CA13: variants seen among roughly 807,000 people sequenced by gnomAD.
CA13 encodes CA-XIII.
In CA13, 21 loss-of-function variants were observed where a neutral mutation model predicts 31.5. The ratio of observed to expected loss-of-function variants is 0.67; its 90% CI spans 0.47 to 0.96. The LOEUF is 0.96. CA13 is among the 40% of genes least tolerant of loss of function. CA13 has a pLI of 0.00. For synonymous variants in CA13, 117 were observed against 111.4 expected (o/e 1.05, Z -0.32); for missense variants, 315 against 318.9 (o/e 0.99, Z 0.09).
intron 3 of CA13, among the ~76,000 whole-genome samples, chr8:85,259,962 T>C (rs149820070): frequency 5.3e-5 from 8 of 151,726 alleles, no homozygotes; most frequent in Non-Finnish European, 1.2e-4. Flanking sequence ...GATACAAATA[T>C]CCACTAATAT....
chr8:85,268,662 T>C, intron 6 of CA13, 35 bp downstream of exon 6: 1 of 1,475,816 alleles, frequency 6.8e-7, no homozygotes, highest in Non-Finnish European at 9.2e-7. Flanking sequence ...ACTGATTCCC[T>C]CAGAGGAAAC....
At chr8:85,255,268 T>C (rs1045073903) in intron 2 of CA13, among the ~76,000 whole-genome samples, 4 of 151,720 alleles carry the variant, frequency 2.6e-5, no homozygotes, top group African/African-American at 9.7e-5. Flanking sequence ...CATGAATTTT[T>C]TTTTTTTTTT....
At chr8:85,270,141 T>A (rs1807510230) in intron 6 of CA13, among the ~76,000 whole-genome samples, 1 of 152,238 alleles carries the variant, frequency 6.6e-6, no homozygotes, top group Admixed American at 6.5e-5. Flanking sequence ...TGGTTTTGTT[T>A]TTGTTGTTCT....
At position 85,268,565 on chromosome 8, in the gene CA13, C is replaced by T. The variant is rs774932960; in HGVS notation, c.607C>T (p.Pro203Ser). Residue 203 changes from proline to serine, a missense_variant, in exon 6 of 7, where the codon CCT (proline) becomes TCT (serine). Physicochemically the swap from Pro to Ser is moderately conservative, Grantham distance 74 (BLOSUM62 -1). Transcript: ENST00000321764. ...ATATCCTGGTTCTCTTACAGTTCCACCTCTTCTTGAGAGTGTCACATGGAT... is the reference window on the plus strand; with the variant it reads ...ATATCCTGGTTCTCTTACAGTTCCATCTCTTCTTGAGAGTGTCACATGGAT... ...WTYPGSLTVPPLLESVTWIVL... is the reference protein window; with the variant it reads ...WTYPGSLTVPSLLESVTWIVL... The T allele has an allele frequency of 2.5e-6, 4 of 1,613,988 alleles. No homozygotes were observed. Among genetic ancestry groups the T allele is most frequent in the Non-Finnish European group, 3.4e-6 (4 of 1,179,886 alleles).
chr8:85,254,795 G>A (rs1029738885), intron 2 of CA13, among the ~76,000 whole-genome samples: 1 of 90,652 alleles, frequency 1.1e-5, no homozygotes, highest in Non-Finnish European at 2.4e-5. Flanking sequence ...TTTTGGTTTT[G>A]TTTTTTTTTT....
intron 6 of CA13, among the ~76,000 whole-genome samples, chr8:85,275,300 G>A (rs542513113): frequency 2.5e-4 from 38 of 152,214 alleles, no homozygotes; most frequent in African/African-American, 9.2e-4. Context: ...TTCCACTTGC[G>A]GGATATGCAC....
At position 85,245,792 on chromosome 8, in the gene CA13, C is replaced by G; in HGVS notation, c.-37C>G. ...CCGCTCCCTCCTCTTTCTCGCTGCT[C>G]AGTCACATCTTTCTCTTCCTTCCAC... On this transcript the variant is annotated 5_prime_UTR_variant, in exon 1 of 7. Transcript: ENST00000321764. 2 of 1,612,052 alleles carry G rather than the reference C, an allele frequency of 1.2e-6. No homozygotes were observed. The highest frequency in any genetic ancestry group is 1.7e-5 in the Admixed American group (1 of 60,024).
chr8:85,272,436 A>G (rs1484647441), intron 6 of CA13, among the ~76,000 whole-genome samples: 3 of 151,760 alleles, frequency 2.0e-5, no homozygotes, highest in African/African-American at 7.3e-5. Context: ...TTGTATTTTT[A>G]GTAGAGATGG....
chr8:85,250,168 G>A (rs1813801985), intron 1 of CA13, among the ~76,000 whole-genome samples: 1 of 152,196 alleles, frequency 6.6e-6, no homozygotes, highest in African/African-American at 2.4e-5. Context: ...ATTATCCTAG[G>A]TGAAAAATTT....
At position 85,267,970 on chromosome 8, in the gene CA13, A is replaced by G; in HGVS notation, c.513+6A>G. ...TGGATTCCATTAAAGAAAAGGTAAA[A>G]TGAATTACTGTTAATAATTAACATA... On this transcript the variant is annotated splice_donor_region_variant and intron_variant, in intron 5 of 6. Coordinates refer to ENST00000321764, the MANE Select transcript of CA13 (RefSeq NM_198584.3). The G allele has an allele frequency of 6.6e-7, 1 of 1,521,332 alleles. No individual in the cohort carries two copies. Among genetic ancestry groups the G allele is most frequent in the Non-Finnish European group, 9.1e-7 (1 of 1,099,884 alleles). The allele number at this position is 1,521,332 out of a possible 1,614,324, so 94.2% of individuals were successfully genotyped here.
intron 6 of CA13, among the ~76,000 whole-genome samples, chr8:85,276,494 G>A (rs1046366729): frequency 1.3e-5 from 2 of 152,266 alleles, no homozygotes; most frequent in African/African-American, 4.8e-5. Context: ...GGGCTCCTGA[G>A]TCTGGTGAGG....
chr8:85,261,716 G>A (rs758152267), intron 3 of CA13, among the ~76,000 whole-genome samples: 1 of 152,096 alleles, frequency 6.6e-6, no homozygotes, highest in South Asian at 2.1e-4. Context: ...GTGAGCCACC[G>A]CGCCCGGCCA....
chr8:85,276,497 T>C (rs932255113), intron 6 of CA13, among the ~76,000 whole-genome samples: 1 of 152,256 alleles, frequency 6.6e-6, no homozygotes, highest in Non-Finnish European at 1.5e-5. Flanking sequence ...CTCCTGAGTC[T>C]GGTGAGGACT....
chr8:85,256,588 CAG>C (rs1587536505), intron 2 of CA13, among the ~76,000 whole-genome samples: 1 of 151,988 alleles, frequency 6.6e-6, no homozygotes, highest in East Asian at 1.9e-4. Flanking sequence ...AAACAACAAA[CAG>C]AAAAAGATTT....
At chr8:85,252,589 C>T (rs1192876073) in intron 2 of CA13, among the ~76,000 whole-genome samples, 1 of 152,142 alleles carries the variant, frequency 6.6e-6, no homozygotes, top group Non-Finnish European at 1.5e-5. Context: ...AATCCTTCTT[C>T]AGACTATCTA....
At chr8:85,268,778 A>G (rs747549613) in intron 6 of CA13, 151 bp downstream of exon 6, 3 of 630,110 alleles carry the variant, frequency 4.8e-6, no homozygotes, top group Non-Finnish European at 8.0e-6. Context: ...GATGAGACCT[A>G]TGTCCCTTTC....
At chr8:85,268,060 G>A (rs1807480323) in intron 5 of CA13, 96 bp downstream of exon 5, 1 of 740,158 alleles carries the variant, frequency 1.4e-6, no homozygotes, top group South Asian at 2.2e-5. Flanking sequence ...TGCCTGCTTT[G>A]AAGTTTGCAA....
intron 6 of CA13, among the ~76,000 whole-genome samples, chr8:85,269,962 A>G (rs1807506369): frequency 6.6e-6 from 1 of 151,974 alleles, no homozygotes; most frequent in Non-Finnish European, 1.5e-5. Context: ...GCCTTAAATG[A>G]TCCTCCTGCT....
intron 6 of CA13, among the ~76,000 whole-genome samples, chr8:85,277,290 A>C (rs1419944127): frequency 6.6e-6 from 1 of 152,130 alleles, no homozygotes; most frequent in Non-Finnish European, 1.5e-5. Context: ...TCCTGAAGCC[A>C]GCGAGACCAC....
Sources: allele counts gnomAD v4.1 joint callset (sites outside exome capture counted in the v4.1 genomes callset), GRCh38; gene constraint gnomAD v4.1.1; transcripts MANE v1.5; gene names NCBI Gene and HGNC (gene_info 2026-07-23, HGNC 2026-07-21).